The following UVRAG variants were observed in gnomAD, a reference collection of about 807,000 sequenced individuals.
UVRAG encodes UV radiation resistance-associated gene protein.
A neutral mutation model predicts 78.0 loss-of-function variants in UVRAG; 19 were observed. The ratio of observed to expected loss-of-function variants is 0.24; its 90% CI spans 0.17 to 0.36. The LOEUF (loss-of-function observed/expected upper bound fraction) is 0.36, where lower values mean the gene tolerates loss of function less well. Ranked by LOEUF, UVRAG falls within the 10% of genes least tolerant of loss-of-function variation. The pLI, the probability that UVRAG is intolerant of heterozygous loss-of-function variation, is 1.00. For synonymous variants in UVRAG, 323 were observed against 324.6 expected, an observed-to-expected ratio of 1.00 and a Z score of 0.05; for missense variants, 740 against 853.8, an observed-to-expected ratio of 0.87 and a Z score of 1.66.
rs191490264 is a variant in UVRAG, at chr11:75,918,708, G to T, written c.593+6669G>T. 1.9e-3 allele frequency among the ~76,000 whole-genome samples: 291 copies of T among 152,278 alleles called. 1 individual carries two copies. The highest frequency in any genetic ancestry group is 6.8e-3 in the African/African-American group (282 of 41,554). On this transcript the variant is annotated intron_variant, in intron 6 of 14. Coordinates refer to ENST00000356136, the MANE Select transcript of UVRAG (RefSeq NM_003369.4). ...TAGTCTTTGTATTAGCCCTATCGCAGTGTGTATCATATATATGTTAAACAG... is the reference window on the plus strand; with the variant it reads ...TAGTCTTTGTATTAGCCCTATCGCATTGTGTATCATATATATGTTAAACAG...
intron 13 of UVRAG, among the ~76,000 whole-genome samples, chr11:76,106,469 A>G (rs1951972988): frequency 6.6e-6 from 1 of 151,976 alleles, no homozygotes; most frequent in African/African-American, 2.4e-5. Context: ...AGGTTCAAGC[A>G]ATTCTCTCAC....
intron 3 of UVRAG, among the ~76,000 whole-genome samples, chr11:75,873,716 G>A (rs1353731793): frequency 2.0e-5 from 3 of 152,092 alleles, no homozygotes; most frequent in Non-Finnish European, 1.5e-5. Flanking sequence ...TATGTTGTAC[G>A]CAGCTTGCTT....
At chr11:76,046,081 G>T (rs1950749613) in intron 12 of UVRAG, among the ~76,000 whole-genome samples, 1 of 152,128 alleles carries the variant, frequency 6.6e-6, no homozygotes, top group Middle Eastern at 3.2e-3. Flanking sequence ...AGCACTGAAA[G>T]TTAGAAAGCA....
chr11:76,051,657 C>G (rs2134351543), intron 12 of UVRAG, among the ~76,000 whole-genome samples: 1 of 152,176 alleles, frequency 6.6e-6, no homozygotes, highest in South Asian at 2.1e-4. Flanking sequence ...ATAGCTCTGT[C>G]TAAAATATTG....
chr11:76,095,659 G>A (rs1483238830), intron 13 of UVRAG, among the ~76,000 whole-genome samples: 1 of 151,538 alleles, frequency 6.6e-6, no homozygotes, highest in African/African-American at 2.4e-5. Context: ...TTTGAGGCCA[G>A]GAGTTTGAGA....
intron 7 of UVRAG, among the ~76,000 whole-genome samples, chr11:75,966,821 C>G (rs1949033212): frequency 6.6e-6 from 1 of 152,190 alleles, no homozygotes; most frequent in African/African-American, 2.4e-5. Context: ...GCTCAGATTA[C>G]AGTGTAGTTC....
chr11:75,931,364 T>C (rs1948237348), intron 6 of UVRAG, among the ~76,000 whole-genome samples: 1 of 152,164 alleles, frequency 6.6e-6, no homozygotes, highest in African/African-American at 2.4e-5. Context: ...GTATATTAAA[T>C]GCTTGGATAG....
At chr11:75,887,197 G>A (rs1458510813) in intron 4 of UVRAG, among the ~76,000 whole-genome samples, 1 of 152,066 alleles carries the variant, frequency 6.6e-6, no homozygotes, top group East Asian at 1.9e-4. Flanking sequence ...CCAGGCTGGA[G>A]TGCAGCGGCG....
chr11:76,024,083 A>G (rs1251404634), intron 12 of UVRAG, among the ~76,000 whole-genome samples: 1 of 152,200 alleles, frequency 6.6e-6, no homozygotes. Flanking sequence ...CTAGTGCCGT[A>G]ATGTTCAAAT....
intron 13 of UVRAG, among the ~76,000 whole-genome samples, chr11:76,073,573 A>G (rs543216078): frequency 1.3e-5 from 2 of 152,290 alleles, no homozygotes; most frequent in South Asian, 4.2e-4. Context: ...AATAGTTTAT[A>G]ATGGAATGTG....
chr11:75,992,800 G>A (rs1462357340), intron 8 of UVRAG, among the ~76,000 whole-genome samples: 1 of 152,160 alleles, frequency 6.6e-6, no homozygotes, highest in African/African-American at 2.4e-5. Flanking sequence ...TGAATCTTGA[G>A]CCAAGTTAAA....
At chr11:75,981,106 G>C (rs879572584) in intron 7 of UVRAG, among the ~76,000 whole-genome samples, 2 of 151,804 alleles carry the variant, frequency 1.3e-5, no homozygotes, top group East Asian at 1.9e-4. Context: ...GCCTAATTTG[G>C]TAAGTTTTTA....
At chr11:76,030,158 A>C (rs1950408221) in intron 12 of UVRAG, among the ~76,000 whole-genome samples, 1 of 152,078 alleles carries the variant, frequency 6.6e-6, no homozygotes, top group South Asian at 2.1e-4. Context: ...CAAAAAAAAA[A>C]CTGTATGAGT....
At chr11:75,900,839 C>T (rs1195706186) in intron 5 of UVRAG, among the ~76,000 whole-genome samples, 1 of 152,134 alleles carries the variant, frequency 6.6e-6, no homozygotes, top group Non-Finnish European at 1.5e-5. Flanking sequence ...ATCTGTATAT[C>T]TTTGCTTAAT....
chr11:75,897,245 A>G (rs768794877), intron 5 of UVRAG, among the ~76,000 whole-genome samples: 16 of 152,198 alleles, frequency 1.1e-4, no homozygotes, highest in Non-Finnish European at 2.1e-4. Context: ...GAAAGCCTGA[A>G]CAAATGAAAA....
chr11:76,082,792 G>A (rs1331479549), intron 13 of UVRAG, among the ~76,000 whole-genome samples: 1 of 152,162 alleles, frequency 6.6e-6, no homozygotes, highest in Non-Finnish European at 1.5e-5. Context: ...CACTTTGGGA[G>A]ACCGAGGCAG....
chr11:75,815,228 T>TA lies in UVRAG; in HGVS notation c.-179dup, dbSNP rs1945229944. On this transcript the variant is annotated 5_prime_UTR_variant, in exon 1 of 15. The change abolishes the stop of an existing upstream ORF in the 5' untranslated region. Transcript: ENST00000356136. ...GCACTGCGGTAATATGGCTCTTCCT[T>TA]AGCCAGCGGCGGCAACGGCGGCAGC... 5 of 444,172 alleles carry TA rather than the reference T, an allele frequency of 1.1e-5. No homozygotes were observed. Among genetic ancestry groups the TA allele is most frequent in the Non-Finnish European group, 1.6e-5 (4 of 254,416 alleles). 27.5% of individuals were successfully genotyped at this position (444,172 alleles called of 1,614,324 possible).
chr11:76,046,848 G>A (rs7941335), intron 12 of UVRAG, among the ~76,000 whole-genome samples: 16,610 of 152,162 alleles, frequency 0.11, 2,148 homozygotes, highest in African/African-American at 0.31. Flanking sequence ...AATAAGCTTG[G>A]AGGTCTAGGA....
intron 7 of UVRAG, among the ~76,000 whole-genome samples, chr11:75,967,794 G>GT (rs1410928748): frequency 6.6e-6 from 1 of 152,154 alleles, no homozygotes; most frequent in Non-Finnish European, 1.5e-5. Context: ...TTGCAATATC[G>GT]TAAGTCTCGC....
Sources: gnomAD v4.1 joint callset for allele counts (sites outside exome capture counted in the v4.1 genomes callset) on GRCh38, gnomAD v4.1.1 for gene constraint, MANE v1.5 for transcripts, NCBI Gene and HGNC (gene_info 2026-07-23, HGNC 2026-07-21) for gene names.